Variants in ADCY2 observed in about 807,000 individuals in gnomAD.
ADCY2 encodes adenylate cyclase 2, also known as adenylate cyclase type 2.
ADCY2 carries 31 observed loss-of-function variants against 125.2 expected under a neutral mutation model. The observed-to-expected ratio is 0.25, with a 90% CI of 0.19 to 0.33. The LOEUF is 0.33. Among genes scored for constraint, ADCY2 ranks in the 10% least tolerant of loss-of-function variants. The pLI, the probability that ADCY2 is intolerant of heterozygous loss-of-function variation, is 1.00. For missense variants in ADCY2, 904 were observed against 1,418.2 expected (o/e 0.64, Z 5.82); for synonymous variants, 512 against 548.4 (o/e 0.93, Z 0.93).
intron 12 of ADCY2, among the ~76,000 whole-genome samples, chr5:7,719,425 TACTCATTA>T (rs1434757074): frequency 2.0e-5 from 3 of 152,260 alleles, no homozygotes; most frequent in African/African-American, 7.2e-5. Context: ...TGTTATGCCT[TACTCATTA>T]ACTCCTCTTG....
chr5:7,487,565 G>T (rs1742987155), intron 2 of ADCY2, among the ~76,000 whole-genome samples: 1 of 152,156 alleles, frequency 6.6e-6, no homozygotes, highest in African/African-American at 2.4e-5. Flanking sequence ...TTTCCACTGT[G>T]GGTGAGGCGA....
At chr5:7,408,728 A>G (rs189532549) in intron 1 of ADCY2, among the ~76,000 whole-genome samples, 31 of 152,216 alleles carry the variant, frequency 2.0e-4, no homozygotes, top group Admixed American at 5.2e-4. Context: ...CAAAAACAAA[A>G]AACAGATGCT....
At chr5:7,653,993 A>G (rs1162693372) in intron 4 of ADCY2, 2 of 447,514 alleles carry the variant, frequency 4.5e-6, no homozygotes, top group Non-Finnish European at 9.0e-6. Flanking sequence ...TGAGAAGACC[A>G]GTGGAGCCAC....
At chr5:7,795,549 T>C (rs1744393139) in intron 20 of ADCY2, 1 of 152,202 alleles carries the variant, frequency 6.6e-6, no homozygotes, top group Non-Finnish European at 1.5e-5. Context: ...GGGGGAGGCT[T>C]CTGGGGCATG....
At chr5:7,651,891 C>T (rs1739103111) in intron 4 of ADCY2, among the ~76,000 whole-genome samples, 4 of 152,150 alleles carry the variant, frequency 2.6e-5, no homozygotes, top group African/African-American at 9.7e-5. Context: ...TAACCTGCGC[C>T]TCCTGGGTTC....
chr5:7,821,666 G>A (rs896541450), intron 24 of ADCY2, among the ~76,000 whole-genome samples: 2 of 152,228 alleles, frequency 1.3e-5, no homozygotes, highest in East Asian at 3.8e-4. Context: ...GCCACTGCAA[G>A]TGTGACTGTG....
intron 16 of ADCY2, among the ~76,000 whole-genome samples, chr5:7,766,225 A>G (rs1743373165): frequency 6.6e-6 from 1 of 152,196 alleles, no homozygotes; most frequent in Non-Finnish European, 1.5e-5. Flanking sequence ...TGCCCATAAA[A>G]TTAATTTTCA....
At chr5:7,658,399 T>TTTTGTGTGTGTGTGTGTG (rs1554029015) in intron 4 of ADCY2, among the ~76,000 whole-genome samples, 1 of 130,942 alleles carries the variant, frequency 7.6e-6, no homozygotes, top group African/African-American at 2.9e-5. Flanking sequence ...GTGAAGAGAA[T>TTTTGTGTGTGTGTGTGTG]TGTGTGTGTG....
intron 2 of ADCY2, among the ~76,000 whole-genome samples, chr5:7,511,416 A>G (rs1015496218): frequency 6.6e-6 from 1 of 152,044 alleles, no homozygotes. Flanking sequence ...TCTACTAAAA[A>G]TACAAAAAAT....
At chr5:7,515,600 A>G (rs990361774) in intron 2 of ADCY2, among the ~76,000 whole-genome samples, 2 of 152,234 alleles carry the variant, frequency 1.3e-5, no homozygotes, top group Non-Finnish European at 1.5e-5. Context: ...TAGCATGTCT[A>G]TAGCTAATGG....
intron 3 of ADCY2, among the ~76,000 whole-genome samples, chr5:7,552,865 T>A (rs1258435398): frequency 1.3e-5 from 2 of 152,192 alleles, no homozygotes. Flanking sequence ...TAATACATTA[T>A]TTATTATTAC....
intron 2 of ADCY2, among the ~76,000 whole-genome samples, chr5:7,492,434 G>A (rs1407722493): frequency 6.6e-6 from 1 of 152,204 alleles, no homozygotes; most frequent in African/African-American, 2.4e-5. Context: ...ATTGCAGGAC[G>A]TTAAGACCAG....
At chr5:7,558,831 C>A (rs1224684387) in intron 3 of ADCY2, among the ~76,000 whole-genome samples, 1 of 152,088 alleles carries the variant, frequency 6.6e-6, no homozygotes, top group Non-Finnish European at 1.5e-5. Context: ...ACATTTAAGT[C>A]TTTAATGCAT....
rs140368179 is a variant in ADCY2, at chr5:7,503,337, G to T, written c.409-17401G>T. ...TATTAAAATACTTGGCCATTCAAGTGCATCACCACAGATGCAGAGGTGAAT... is the reference window on the plus strand; with the variant it reads ...TATTAAAATACTTGGCCATTCAAGTTCATCACCACAGATGCAGAGGTGAAT... On this transcript the variant is annotated intron_variant, in intron 2 of 24. Coordinates refer to ENST00000338316, the MANE Select transcript of ADCY2 (RefSeq NM_020546.3). 1.3e-3 allele frequency among the ~76,000 whole-genome samples: 197 copies of T among 152,296 alleles called. 1 individual carries two copies. Among genetic ancestry groups the T allele is most frequent in the Non-Finnish European group, 2.2e-3 (150 of 68,034 alleles).
At chr5:7,402,025 C>G (rs1739282888) in intron 1 of ADCY2, among the ~76,000 whole-genome samples, 1 of 152,234 alleles carries the variant, frequency 6.6e-6, no homozygotes, top group East Asian at 1.9e-4. Flanking sequence ...TGATTGACAT[C>G]ACCCTGGATG....
chr5:7,727,603 T>C (rs1560911840), intron 14 of ADCY2, among the ~76,000 whole-genome samples: 1 of 152,038 alleles, frequency 6.6e-6, no homozygotes, highest in Non-Finnish European at 1.5e-5. Flanking sequence ...CCAGATGTGG[T>C]TTCTAATAAA....
intron 2 of ADCY2, among the ~76,000 whole-genome samples, chr5:7,454,245 T>A (rs1741583055): frequency 1.3e-5 from 2 of 152,224 alleles, no homozygotes; most frequent in South Asian, 4.1e-4. Context: ...GTTAACAGCA[T>A]TTTTAGCAAT....
At chr5:7,753,838 T>G (rs1242087299) in intron 15 of ADCY2, among the ~76,000 whole-genome samples, 1 of 152,206 alleles carries the variant, frequency 6.6e-6, no homozygotes, top group African/African-American at 2.4e-5. Flanking sequence ...TCTCTTCTAC[T>G]TTCTTGTCCT....
chr5:7,701,891 A>G (rs977432787), intron 7 of ADCY2, among the ~76,000 whole-genome samples: 1 of 152,084 alleles, frequency 6.6e-6, no homozygotes, highest in African/African-American at 2.4e-5. Context: ...TTTTTTGATC[A>G]TTGATGCATC....
Sources: gnomAD v4.1 joint callset for allele counts (sites outside exome capture counted in the v4.1 genomes callset) on GRCh38, gnomAD v4.1.1 for gene constraint, MANE v1.5 for transcripts, NCBI Gene and HGNC (gene_info 2026-07-23, HGNC 2026-07-21) for gene names.